The following MORC1 variants were observed in gnomAD, a reference collection of about 807,000 sequenced individuals.
MORC1 encodes MORC family CW-type zinc finger 1.
A neutral mutation model predicts 134.9 loss-of-function variants in MORC1; 59 were observed. That is an observed-to-expected ratio of 0.44 (90% CI 0.35 to 0.54). The LOEUF (loss-of-function observed/expected upper bound fraction) is 0.54. Among genes scored for constraint, MORC1 ranks in the 20% least tolerant of loss-of-function variants. The pLI is 0.00. For synonymous variants in MORC1, 395 were observed against 391.7 expected, an observed-to-expected ratio of 1.01 and a Z score of -0.10; for missense variants, 947 against 1,134.5, an observed-to-expected ratio of 0.83 and a Z score of 2.37.
At chr3:109,062,926 T>G (rs1369679310) in intron 10 of MORC1, among the ~76,000 whole-genome samples, 1 of 152,130 alleles carries the variant, frequency 6.6e-6, no homozygotes, top group African/African-American at 2.4e-5. Flanking sequence ...CAATCTAGTT[T>G]GAAGTGTGTT....
At chr3:109,059,485 G>A (rs1950031607) in intron 12 of MORC1, among the ~76,000 whole-genome samples, 1 of 152,146 alleles carries the variant, frequency 6.6e-6, no homozygotes, top group Admixed American at 6.5e-5. Context: ...GTTATCAGCT[G>A]TTCCTCCGGG....
chr3:109,035,233 G>T, intron 15 of MORC1, 107 bp downstream of exon 15: 1 of 1,045,078 alleles, frequency 9.6e-7, no homozygotes, highest in Non-Finnish European at 1.4e-6. Context: ...CTCCTGGAAA[G>T]CAAGATGTCT....
At chr3:109,054,908 T>C (rs757740017) in intron 13 of MORC1, 26 bp from the exon 14 acceptor site, 1 of 1,568,730 alleles carries the variant, frequency 6.4e-7, no homozygotes, top group South Asian at 1.2e-5. Flanking sequence ...CATATTTAAA[T>C]TTTGAAAATT....
chr3:109,113,274 T>C (rs1403744323), intron 2 of MORC1, among the ~76,000 whole-genome samples: 1 of 152,220 alleles, frequency 6.6e-6, no homozygotes, highest in East Asian at 1.9e-4. Flanking sequence ...AGTTCATGGC[T>C]CTGAACAAGA....
Position 108,979,623 on chromosome 3 carries a change from T to C in MORC1, c.2369A>G (p.His790Arg). ...GCCACTCACAGAAACTCTGGCTATG[T>C]GTCCAGAACTTAGATTCACATCTTC... is the stretch of plus-strand genomic sequence containing the variant. ...PMEDVNLSSG[H>R]IARVSVSGSC... The change falls in exon 24 of 28, where the codon CAC becomes CGC. Residue 790 changes from histidine to arginine, a missense_variant. Around this residue, in one of 3 missense-constraint regions of MORC1, gnomAD observed 722 missense variants for 817.0 expected, o/e 0.88. Transcript: ENST00000232603. 6.2e-7 allele frequency: 1 copy of C among 1,614,212 alleles called. No homozygotes were observed. The highest frequency in any genetic ancestry group is 8.5e-7 in the Non-Finnish European group (1 of 1,180,028).
intron 14 of MORC1, among the ~76,000 whole-genome samples, chr3:109,039,469 G>T (rs115354798): frequency 0.013 from 1,913 of 152,284 alleles, 37 homozygotes; most frequent in African/African-American, 0.042. Flanking sequence ...AGAAGATAGA[G>T]TAGGAAGCAT....
intron 20 of MORC1, among the ~76,000 whole-genome samples, chr3:109,004,371 A>G (rs1447424444): frequency 6.6e-6 from 1 of 152,210 alleles, no homozygotes; most frequent in East Asian, 1.9e-4. Context: ...TAGGCAGTAA[A>G]TTTTGGCTTA....
At chr3:108,959,891 C>T (rs1291722617) in intron 27 of MORC1, among the ~76,000 whole-genome samples, 1 of 152,100 alleles carries the variant, frequency 6.6e-6, no homozygotes, top group African/African-American at 2.4e-5. Flanking sequence ...GAAGCAAGAA[C>T]ATACATCAAA....
chr3:109,048,066 C>T (rs138500049), intron 14 of MORC1, among the ~76,000 whole-genome samples: 22 of 152,214 alleles, frequency 1.4e-4, no homozygotes, highest in African/African-American at 5.3e-4. Context: ...AATGGAAGAA[C>T]CTGTTGAACT....
At chr3:108,961,795 T>C (rs1197590911) in intron 27 of MORC1, among the ~76,000 whole-genome samples, 1 of 152,216 alleles carries the variant, frequency 6.6e-6, no homozygotes, top group Non-Finnish European at 1.5e-5. Flanking sequence ...ACCTAGAGGT[T>C]TGGCAGAGAA....
At chr3:109,063,013 C>A in intron 10 of MORC1, 139 bp downstream of exon 10, 1 of 540,948 alleles carries the variant, frequency 1.8e-6, no homozygotes, top group Non-Finnish European at 3.3e-6. Context: ...TTTGAAGTTC[C>A]ATAGAGACAG....
chr3:109,032,763 C>T lies in MORC1; in HGVS notation c.1522G>A (p.Asp508Asn), dbSNP rs750158622. ...GGATTATTAGCACAAATCCAAATGT[C>T]AAAAAATTCTTTTTCCTGATAATTA... Reference protein sequence around the residue: ...STNYQEKEFFDIWICANNPNR... With the variant: ...STNYQEKEFFNIWICANNPNR... Residue 508 changes from aspartate to asparagine, a missense_variant, in exon 16 of 28, where the codon GAC becomes AAC. Transcript: ENST00000232603. 1.9e-6 allele frequency: 3 copies of T among 1,608,662 alleles called. No individual in the cohort carries two copies. The South Asian group carries it at 3.3e-5, about 18-fold the overall frequency.
rs758267096 is a variant in MORC1, at chr3:108,969,724, T to C, written c.2551-2A>G. ...CATCTGCTCTGGGCACTGCTCCAGC[T>C]GTTTTCATAAATGATAATAGAACAG... On this transcript the variant is annotated splice_acceptor_variant, in intron 25 of 27. Coordinates refer to ENST00000232603, the MANE Select transcript of MORC1 (RefSeq NM_014429.4). LOFTEE classifies it high-confidence loss of function. The C allele has an allele frequency of 6.2e-7, 1 of 1,613,624 alleles. No individual in the cohort carries two copies. The highest frequency in any genetic ancestry group is 8.5e-7 in the Non-Finnish European group (1 of 1,179,660).
intron 8 of MORC1, among the ~76,000 whole-genome samples, chr3:109,071,026 G>A (rs4855687): frequency 0.78 from 118,807 of 152,134 alleles, 47,413 homozygotes; most frequent in East Asian, 0.93. Flanking sequence ...GTCTGTATTC[G>A]AGTGTTGCAC....
intron 8 of MORC1, 118 bp from the exon 9 acceptor site, chr3:109,069,875 T>G: frequency 8.7e-7 from 1 of 1,145,068 alleles, no homozygotes; most frequent in Non-Finnish European, 1.2e-6. Flanking sequence ...TTCAAGAACT[T>G]TTCTTCTAAA....
chr3:109,083,107 G>A (rs981489875), intron 8 of MORC1, among the ~76,000 whole-genome samples: 1 of 152,072 alleles, frequency 6.6e-6, no homozygotes, highest in East Asian at 1.9e-4. Context: ...AATCATACAG[G>A]ACAGTAGACA....
Position 109,063,168 on chromosome 3 carries a change from T to C in MORC1, c.879A>G (p.Glu293=), listed in dbSNP as rs1950121117. The change falls in exon 10 of 28, where the codon GAA becomes GAG. Residue 293 remains glutamate (E), a synonymous_variant. Coordinates refer to ENST00000232603, the MANE Select transcript of MORC1 (RefSeq NM_014429.4). ...ATCGCATACCAATCTTTACTGCTTC[T>C]TCTGCCTTTTTAACTTCATCTTTAA... The part of the protein sequence containing the change: ...GAFKDEVKKA[E]EAVKIAESIL... 1 of 1,600,606 alleles carries C rather than the reference T, an allele frequency of 6.2e-7. No individual in the cohort carries two copies.
intron 2 of MORC1, among the ~76,000 whole-genome samples, chr3:109,113,688 G>A (rs1400905214): frequency 2.0e-5 from 3 of 151,152 alleles, no homozygotes; most frequent in African/African-American, 7.3e-5. Flanking sequence ...AAAAAATGAA[G>A]CCCCTCACAA....
intron 11 of MORC1, among the ~76,000 whole-genome samples, chr3:109,061,134 C>A (rs543586750): frequency 6.6e-6 from 1 of 152,196 alleles, no homozygotes; most frequent in African/African-American, 2.4e-5. Flanking sequence ...CAGCCTTGGT[C>A]CTGGAAAGTC....
Sources: allele counts gnomAD v4.1 joint callset (sites outside exome capture counted in the v4.1 genomes callset), GRCh38; gene constraint gnomAD v4.1.1; regional missense constraint gnomAD v4.1.1; transcripts MANE v1.5; gene names NCBI Gene and HGNC (gene_info 2026-07-23, HGNC 2026-07-21).